Variants in ZNF561 observed in about 807,000 individuals in gnomAD.
ZNF561 encodes the protein zinc finger protein 561.
In ZNF561, 16 loss-of-function variants were observed where a neutral mutation model predicts 16.7. That is an observed-to-expected ratio of 0.96 (90% CI 0.65 to 1.45). The LOEUF is 1.45. Ranked by LOEUF, ZNF561 falls within the 40% of genes most tolerant of loss-of-function variation. ZNF561 has a pLI of 0.00. For missense variants in ZNF561, 580 were observed against 578.0 expected, an observed-to-expected ratio of 1.00 and a Z score of -0.04; for synonymous variants, 190 against 192.1, an observed-to-expected ratio of 0.99 and a Z score of 0.09.
chr19:9,610,287 A>C lies in ZNF561; in HGVS notation c.1374T>G (p.Phe458Leu). 6.2e-7 allele frequency: 1 copy of C among 1,614,166 alleles called. No homozygotes were observed. Among genetic ancestry groups the C allele is most frequent in the Non-Finnish European group, 8.5e-7 (1 of 1,180,010 alleles). Reference sequence around the variant, plus strand: ...GTCTACTTAGGCGTGAGGAAACAGCAAATGCTTTCCCACATTCTTTACATA... The same window carrying C: ...GTCTACTTAGGCGTGAGGAAACAGCCAATGCTTTCCCACATTCTTTACATA... Reference protein sequence around the residue: ...PFVCKECGKAFAVSSRLSRHE... With the variant: ...PFVCKECGKALAVSSRLSRHE... The change falls in exon 6 of 6, where the codon TTT becomes TTG. Residue 458 changes from phenylalanine to leucine, a missense_variant. By Grantham distance (22) the Phe-to-Leu change is conservative. Coordinates refer to ENST00000302851, the MANE Select transcript of ZNF561 (RefSeq NM_152289.3).
chr19:9,613,970 C>T lies in ZNF561; in HGVS notation c.324+51G>A, dbSNP rs772282982. On this transcript the variant is annotated intron_variant, in intron 5 of 5. Transcript: ENST00000302851. ...TGAGCTGATTTTCTAGAATGGAATT[C>T]TCTATCTTTTCTAAGAGAGGAAATT... 1.2e-5 allele frequency: 19 copies of T among 1,600,396 alleles called. No individual in the cohort carries two copies. The Admixed American group carries it at 3.2e-4, about 27-fold the overall frequency.
chr19:9,610,957 G>A lies in ZNF561; in HGVS notation c.704C>T (p.Thr235Ile), dbSNP rs781608597. 33 of 1,614,056 alleles carry A rather than the reference G, an allele frequency of 2.0e-5. 2 individuals are homozygous for A. In the South Asian group the frequency reaches 3.4e-4, roughly 17 times the overall value. The change falls in exon 6 of 6, where the codon ACA becomes ATA. Residue 235 changes from threonine (T) to isoleucine (I), a missense_variant. Coordinates refer to ENST00000302851, the MANE Select transcript of ZNF561 (RefSeq NM_152289.3). ...CEFQEYGRAV[T>I]ASSHLKQCVA... ...ACACTGCTTTAGGTGTGAAGAAGCT[G>A]TGACAGCTCTCCCATATTCCTGAAA...
Position 9,610,349 on chromosome 19 carries a change from C to A in ZNF561, c.1312G>T (p.Val438Phe). 1 of 1,614,106 alleles carries A rather than the reference C, an allele frequency of 6.2e-7. No individual in the cohort carries two copies. Among genetic ancestry groups the A allele is most frequent in the Non-Finnish European group, 8.5e-7 (1 of 1,180,004 alleles). The change falls in exon 6 of 6, where the codon GTT becomes TTT. Residue 438 changes from valine to phenylalanine, a missense_variant. Coordinates refer to ENST00000302851, the MANE Select transcript of ZNF561 (RefSeq NM_152289.3). ...TCTCCGGTATGAGTTCGCAGGTGAA[C>A]ATTAAGGCGTGAGGAATATAGAAAT... ...KAFLYSSRLN[V>F]HLRTHTGEKP...
At position 9,611,185 on chromosome 19, in the gene ZNF561, T is replaced by G; in HGVS notation, c.476A>C (p.His159Pro). The G allele has an allele frequency of 6.2e-7, 1 of 1,613,980 alleles. No homozygotes were observed. The highest frequency in any genetic ancestry group is 2.2e-5 in the East Asian group (1 of 44,866). ...TTCCTGTCCAGTAGAGGCTTCCTTG[T>G]GCACACTGAGGGTGTCTTTTCCATA... Reference protein sequence around the residue: ...NCYGKDTLSVHKEASTGQELS... With the variant: ...NCYGKDTLSVPKEASTGQELS... The change falls in exon 6 of 6, where the codon CAC (histidine) becomes CCC (proline). Residue 159 changes from histidine to proline, a missense_variant. By Grantham distance (77) the His-to-Pro change is moderately conservative (BLOSUM62 -2). Coordinates refer to ENST00000302851, the MANE Select transcript of ZNF561 (RefSeq NM_152289.3).
At chr19:9,614,286 TTAGA>T (rs2074514443) in intron 4 of ZNF561, 183 bp from the exon 5 acceptor site, 2 of 629,030 alleles carry the variant, frequency 3.2e-6, no homozygotes, top group South Asian at 2.0e-5. Flanking sequence ...ACTGATGTGT[TTAGA>T]TAGTTTATTA....
intron 2 of ZNF561, 109 bp from the exon 3 acceptor site, chr19:9,618,288 C>T (rs1460711660): frequency 9.1e-7 from 1 of 1,097,952 alleles, no homozygotes; most frequent in African/African-American, 1.6e-5. Context: ...TGCTCCTACA[C>T]ACTCGAGAAA....
Position 9,610,165 on chromosome 19 carries a change from G to T in ZNF561, c.*35C>A. ...TAGGACAAATCTGATAATCTTTGGT[G>T]TCATTGCCAATAATTAAAGATGGCA... is the stretch of plus-strand genomic sequence containing the variant. On this transcript the variant is annotated 3_prime_UTR_variant, in exon 6 of 6. Coordinates refer to ENST00000302851, the MANE Select transcript of ZNF561 (RefSeq NM_152289.3). 2 of 1,516,444 alleles carry T rather than the reference G, an allele frequency of 1.3e-6. No homozygotes were observed. The highest frequency in any genetic ancestry group is 1.8e-6 in the Non-Finnish European group (2 of 1,127,958). 93.9% of individuals were successfully genotyped at this position (1,516,444 alleles called of 1,614,324 possible).
intron 2 of ZNF561, 93 bp from the exon 3 acceptor site, chr19:9,618,272 C>T (rs1043089600): frequency 2.5e-6 from 3 of 1,216,040 alleles, no homozygotes; most frequent in Non-Finnish European, 3.5e-6. Context: ...GCTTGAAATT[C>T]CGATATGCTC....
chr19:9,614,366 T>C, intron 4 of ZNF561: 1 of 341,884 alleles, frequency 2.9e-6, no homozygotes, highest in Non-Finnish European at 5.5e-6. Context: ...CCCAGCACTT[T>C]GGGAGGCTGA....
intron 3 of ZNF561, chr19:9,617,402 C>T (rs2074575327): frequency 2.1e-6 from 2 of 954,522 alleles, no homozygotes; most frequent in Non-Finnish European, 2.6e-6. Context: ...TCTTTTTTTG[C>T]TGATCTATTT....
chr19:9,616,839 C>T, intron 4 of ZNF561: 1 of 512,978 alleles, frequency 1.9e-6, no homozygotes, highest in Non-Finnish European at 3.2e-6. Context: ...TGTGATCCGT[C>T]CACCTCAGCC....
chr19:9,612,176 C>T (rs1352505857), intron 5 of ZNF561, among the ~76,000 whole-genome samples: 1 of 152,000 alleles, frequency 6.6e-6, no homozygotes, highest in African/African-American at 2.4e-5. Context: ...GATCTGCCTG[C>T]CTTGGCCTCC....
chr19:9,616,560 T>C (rs1390866521), intron 4 of ZNF561, among the ~76,000 whole-genome samples: 2 of 151,036 alleles, frequency 1.3e-5, no homozygotes, highest in African/African-American at 4.9e-5. Context: ...GGATTATAGA[T>C]GTAAGCCACC....
Position 9,610,936 on chromosome 19 carries a change from T to C in ZNF561, c.725A>G (p.Gln242Arg). 6.2e-7 allele frequency: 1 copy of C among 1,614,214 alleles called. No homozygotes were observed. The highest frequency in any genetic ancestry group is 1.1e-5 in the South Asian group (1 of 91,082). ...RAVTASSHLK[Q>R]CVAVHTGKKS... ...CTTTCCTGTATGAACTGCTACACACTGCTTTAGGTGTGAAGAAGCTGTGAC... is the reference window on the plus strand; with the variant it reads ...CTTTCCTGTATGAACTGCTACACACCGCTTTAGGTGTGAAGAAGCTGTGAC... Residue 242 changes from glutamine (Q) to arginine (R), a missense_variant, in exon 6 of 6, where the codon CAG (glutamine) becomes CGG (arginine). Gln to Arg is a conservative substitution (Grantham distance 43). Coordinates refer to ENST00000302851, the MANE Select transcript of ZNF561 (RefSeq NM_152289.3).
intron 4 of ZNF561, 125 bp downstream of exon 4, chr19:9,616,920 T>C (rs2074565053): frequency 1.5e-6 from 2 of 1,311,536 alleles, no homozygotes; most frequent in Non-Finnish European, 2.0e-6. Flanking sequence ...AGAGACAAGG[T>C]ATCACAATGT....
intron 1 of ZNF561, chr19:9,620,767 G>C (rs2074657991): frequency 1.3e-5 from 2 of 152,238 alleles, no homozygotes; most frequent in African/African-American, 4.8e-5. Flanking sequence ...AGTCGGCCGG[G>C]TGCAGTGGCT....
intron 1 of ZNF561, among the ~76,000 whole-genome samples, chr19:9,620,154 AT>A (rs1450854378): frequency 6.6e-6 from 1 of 152,086 alleles, no homozygotes; most frequent in Non-Finnish European, 1.5e-5. Context: ...CAGTGGCATG[AT>A]CTCAACTCAT....
rs140681899 is a variant in ZNF561, at chr19:9,611,126, T to C, written c.535A>G (p.Thr179Ala). The part of the protein sequence containing the change: ...SKFNPCGKVF[T>A]LTPGLAVHLE... Reference sequence around the variant, plus strand: ...TGTACAGCAAGACCTGGAGTTAGAGTAAAGACTTTTCCACATGGATTAAAT... The same window carrying C: ...TGTACAGCAAGACCTGGAGTTAGAGCAAAGACTTTTCCACATGGATTAAAT... The change falls in exon 6 of 6, where the codon ACT becomes GCT. Residue 179 changes from threonine to alanine, a missense_variant. Coordinates refer to ENST00000302851, the MANE Select transcript of ZNF561 (RefSeq NM_152289.3). 8.2e-5 allele frequency: 132 copies of C among 1,613,926 alleles called. 1 individual carries two copies. In the Middle Eastern group the frequency reaches 2.1e-3, roughly 26 times the overall value.
At chr19:9,620,185 G>A (rs1287764521) in intron 1 of ZNF561, among the ~76,000 whole-genome samples, 1 of 152,144 alleles carries the variant, frequency 6.6e-6, no homozygotes, top group African/African-American at 2.4e-5. Context: ...TGCCTCCCAG[G>A]TGCAAGCGAT....
Sources: allele counts gnomAD v4.1 joint callset (sites outside exome capture counted in the v4.1 genomes callset), GRCh38; gene constraint gnomAD v4.1.1; transcripts MANE v1.5; gene names NCBI Gene and HGNC (gene_info 2026-07-23, HGNC 2026-07-21).